SPAG16: variants seen among roughly 807,000 people sequenced by gnomAD.
The protein encoded by SPAG16 is sperm-associated antigen 16 protein.
Under a neutral mutation model 80.4 loss-of-function variants are expected in SPAG16, and 86 were observed. The observed-to-expected ratio is 1.07, with a 90% CI of 0.90 to 1.28. The LOEUF is 1.28. Ranked by LOEUF, SPAG16 falls within the 50% of genes most tolerant of loss-of-function variation. SPAG16 has a pLI of 0.00. For missense variants in SPAG16, 870 were observed against 765.3 expected (o/e 1.14, Z -1.61); for synonymous variants, 294 against 265.9 (o/e 1.11, Z -1.03).
At chr2:213,412,786 G>A (rs776732304) in intron 9 of SPAG16, among the ~76,000 whole-genome samples, 3 of 152,244 alleles carry the variant, frequency 2.0e-5, no homozygotes, top group Non-Finnish European at 4.4e-5. Context: ...ATATAGAAGA[G>A]TAAGAGGAGA....
chr2:213,738,113 T>G (rs973580515), intron 10 of SPAG16, among the ~76,000 whole-genome samples: 1 of 152,228 alleles, frequency 6.6e-6, no homozygotes, highest in African/African-American at 2.4e-5. Context: ...AGATAATTCA[T>G]ATTGAACAGC....
At chr2:213,330,973 A>G (rs1347176379) in intron 5 of SPAG16, among the ~76,000 whole-genome samples, 2 of 152,064 alleles carry the variant, frequency 1.3e-5, no homozygotes, top group African/African-American at 4.8e-5. Flanking sequence ...GCCTTCCTCC[A>G]TGATTGTGAG....
chr2:213,963,390 A>C (rs980464485), intron 12 of SPAG16, among the ~76,000 whole-genome samples: 2 of 152,144 alleles, frequency 1.3e-5, no homozygotes, highest in African/African-American at 4.8e-5. Context: ...TTGTGGTCAG[A>C]GAACACGATT....
chr2:214,146,486 G>T (rs2055644059), intron 14 of SPAG16, among the ~76,000 whole-genome samples: 1 of 152,156 alleles, frequency 6.6e-6, no homozygotes, highest in African/African-American at 2.4e-5. Flanking sequence ...TGCTTTGGAA[G>T]GACTTGGACC....
chr2:213,858,035 T>G (rs529307310), intron 10 of SPAG16, among the ~76,000 whole-genome samples: 23 of 152,324 alleles, frequency 1.5e-4, no homozygotes, highest in African/African-American at 5.5e-4. Context: ...CTTGAATGGA[T>G]AAAGAGTTGC....
chr2:213,543,868 A>G (rs1391442596), intron 10 of SPAG16, among the ~76,000 whole-genome samples: 1 of 152,114 alleles, frequency 6.6e-6, no homozygotes, highest in East Asian at 1.9e-4. Context: ...ATTGTGTTGA[A>G]TTTATAAGTT....
intron 14 of SPAG16, among the ~76,000 whole-genome samples, chr2:214,131,305 G>T (rs562125467): frequency 6.6e-6 from 1 of 151,506 alleles, no homozygotes; most frequent in South Asian, 2.1e-4. Context: ...AGGAGTTTGA[G>T]ATTACAGTGA....
chr2:213,962,505 G>A (rs187260035), intron 12 of SPAG16, among the ~76,000 whole-genome samples: 232 of 152,258 alleles, frequency 1.5e-3, no homozygotes, highest in African/African-American at 5.4e-3. Flanking sequence ...TCCTTTTAAA[G>A]AGAGAAAGAC....
chr2:213,436,861 G>T (rs1482469655), intron 9 of SPAG16, among the ~76,000 whole-genome samples: 2 of 151,664 alleles, frequency 1.3e-5, no homozygotes, highest in Non-Finnish European at 2.9e-5. Context: ...TTAATTTCCA[G>T]TGTTTTAATT....
At chr2:214,196,207 A>T (rs1232943090) in intron 15 of SPAG16, among the ~76,000 whole-genome samples, 2 of 151,964 alleles carry the variant, frequency 1.3e-5, no homozygotes, top group Admixed American at 1.3e-4. Flanking sequence ...GAGAGACAGA[A>T]ATCAACATGC....
intron 14 of SPAG16, among the ~76,000 whole-genome samples, chr2:214,135,551 G>A (rs545251286): frequency 6.6e-6 from 1 of 152,250 alleles, no homozygotes; most frequent in South Asian, 2.1e-4. Context: ...AATGGTGTTG[G>A]AAGGTGGGAC....
intron 12 of SPAG16, among the ~76,000 whole-genome samples, chr2:213,957,349 CTT>C (rs1234846749): frequency 6.6e-6 from 1 of 151,980 alleles, no homozygotes; most frequent in African/African-American, 2.4e-5. Flanking sequence ...AATATTGAAA[CTT>C]TTACTAATAT....
At chr2:213,940,553 T>C (rs559649128) in intron 12 of SPAG16, among the ~76,000 whole-genome samples, 3 of 152,280 alleles carry the variant, frequency 2.0e-5, no homozygotes, top group South Asian at 2.1e-4. Context: ...CCTTATTCTC[T>C]AGAGTAGAGA....
chr2:214,033,139 T>C (rs2048506220), intron 13 of SPAG16, among the ~76,000 whole-genome samples: 2 of 152,194 alleles, frequency 1.3e-5, no homozygotes, highest in African/African-American at 4.8e-5. Flanking sequence ...TAATAATGTG[T>C]AATAACTAAT....
intron 3 of SPAG16, among the ~76,000 whole-genome samples, chr2:213,297,664 T>G (rs922821445): frequency 1.3e-5 from 2 of 152,206 alleles, no homozygotes; most frequent in Non-Finnish European, 2.9e-5. Flanking sequence ...GTTTAGAATT[T>G]AGTGTCATAT....
chr2:213,909,384 T>G lies in SPAG16; in HGVS notation c.1215-20576T>G, dbSNP rs369438181. On this transcript the variant is annotated intron_variant, in intron 11 of 15. Coordinates refer to ENST00000331683, the MANE Select transcript of SPAG16 (RefSeq NM_024532.5). ...AGAATTGGAAAAAACTACTTTAAAG[T>G]TCATATGGAGCCAAAAAAGAGCCCG... Among the ~76,000 whole-genome samples the G allele has an allele frequency of 2.0e-5, 3 of 152,224 alleles. No individual in the cohort carries two copies. In the East Asian group the frequency reaches 5.8e-4, roughly 29 times the overall value.
chr2:214,065,717 G>A (rs1213870011), intron 13 of SPAG16, among the ~76,000 whole-genome samples: 1 of 152,060 alleles, frequency 6.6e-6, no homozygotes, highest in Non-Finnish European at 1.5e-5. Flanking sequence ...TTAATTTTAT[G>A]CATGTTGAAA....
At position 213,754,186 on chromosome 2, in the gene SPAG16, A is replaced by G. The variant is rs531106907; in HGVS notation, c.1071-108299A>G. On this transcript the variant is annotated intron_variant, in intron 10 of 15. Transcript: ENST00000331683. ...TCCTTATGAATCTTAAAATTTGAGAACCACATCTTTAGACATACCAGATAC... is the reference window on the plus strand; with the variant it reads ...TCCTTATGAATCTTAAAATTTGAGAGCCACATCTTTAGACATACCAGATAC... Among the ~76,000 whole-genome samples, 3 of 152,282 alleles carry G rather than the reference A, an allele frequency of 2.0e-5. No individual in the cohort carries two copies. In the East Asian group the frequency reaches 5.8e-4, roughly 29 times the overall value.
At chr2:214,169,500 T>A (rs539223184) in intron 15 of SPAG16, among the ~76,000 whole-genome samples, 1 of 152,148 alleles carries the variant, frequency 6.6e-6, no homozygotes, top group South Asian at 2.1e-4. Context: ...TGCAGGCAAT[T>A]GCTTTGAGCT....
Sources: gnomAD v4.1 joint callset for allele counts (sites outside exome capture counted in the v4.1 genomes callset) on GRCh38, gnomAD v4.1.1 for gene constraint, MANE v1.5 for transcripts, NCBI Gene and HGNC (gene_info 2026-07-23, HGNC 2026-07-21) for gene names.